The following ARIH1 variants were observed in gnomAD, a reference collection of about 807,000 sequenced individuals.
The protein encoded by ARIH1 is E3 ubiquitin-protein ligase ARIH1.
Under a neutral mutation model 85.0 loss-of-function variants are expected in ARIH1, and 8 were observed. The observed-to-expected ratio is 0.09, with a 90% CI of 0.06 to 0.17. The LOEUF is 0.17. Ranked by LOEUF, ARIH1 falls within the 10% of genes least tolerant of loss-of-function variation. The probability of loss-of-function intolerance (pLI) is 1.00; values close to 1 mark genes in which losing one functional copy is unlikely to be tolerated. For missense variants in ARIH1, 311 were observed against 718.1 expected (o/e 0.43, Z 6.48); for synonymous variants, 238 against 253.6 (o/e 0.94, Z 0.59).
intron 1 of ARIH1, among the ~76,000 whole-genome samples, chr15:72,505,799 G>A (rs866073562): frequency 1.3e-5 from 2 of 152,164 alleles, no homozygotes; most frequent in African/African-American, 2.4e-5. Context: ...GCAGTGGTGC[G>A]ATCTTGGTTC....
At chr15:72,533,837 G>T (rs1442367635) in intron 2 of ARIH1, among the ~76,000 whole-genome samples, 1 of 152,086 alleles carries the variant, frequency 6.6e-6, no homozygotes, top group African/African-American at 2.4e-5. Context: ...AGCCTAGGAG[G>T]TCAAGGCTGC....
rs750949944 is a variant in ARIH1, at chr15:72,474,613, G to C, written c.-27G>C. On this transcript the variant is annotated 5_prime_UTR_variant, in exon 1 of 14. Coordinates refer to ENST00000379887, the MANE Select transcript of ARIH1 (RefSeq NM_005744.5). ...CCGCCCTCTCCCCGCCTCGGCCAGC[G>C]TCCGCCGGGCCCCCGCGCGTCGCGC... 8 of 1,500,838 alleles carry C rather than the reference G, an allele frequency of 5.3e-6. No homozygotes were observed. Among genetic ancestry groups the C allele is most frequent in the Non-Finnish European group, 7.1e-6 (8 of 1,126,534 alleles). The allele number at this position is 1,500,838 out of a possible 1,614,324, so 93.0% of individuals were successfully genotyped here.
At chr15:72,569,655 A>G (rs2064235001) in intron 9 of ARIH1, among the ~76,000 whole-genome samples, 1 of 152,246 alleles carries the variant, frequency 6.6e-6, no homozygotes, top group Non-Finnish European at 1.5e-5. Flanking sequence ...TGAGAACGGT[A>G]CATGGGATAT....
chr15:72,547,743 A>G (rs1050302078), intron 3 of ARIH1, among the ~76,000 whole-genome samples: 1 of 152,196 alleles, frequency 6.6e-6, no homozygotes, highest in Non-Finnish European at 1.5e-5. Flanking sequence ...GCTTACAGTT[A>G]AATGTTTCTG....
intron 1 of ARIH1, among the ~76,000 whole-genome samples, chr15:72,503,679 T>C (rs961593270): frequency 2.6e-5 from 4 of 152,240 alleles, no homozygotes; most frequent in Admixed American, 1.3e-4. Context: ...AAAATGCTAC[T>C]CTTACATTTA....
intron 9 of ARIH1, 22 bp from the exon 10 acceptor site, chr15:72,570,155 A>G (rs762564184): frequency 6.2e-7 from 1 of 1,613,038 alleles, no homozygotes; most frequent in Non-Finnish European, 8.5e-7. Context: ...ATTGACACCA[A>G]CTTTATAGTT....
At chr15:72,480,293 A>G (rs2063810895) in intron 1 of ARIH1, among the ~76,000 whole-genome samples, 1 of 134,610 alleles carries the variant, frequency 7.4e-6, no homozygotes, top group Non-Finnish European at 1.6e-5. Flanking sequence ...TACATGTCTC[A>G]CTGTGTCACC....
intron 5 of ARIH1, among the ~76,000 whole-genome samples, chr15:72,560,235 G>A (rs1375333560): frequency 6.6e-6 from 1 of 152,118 alleles, no homozygotes; most frequent in Non-Finnish European, 1.5e-5. Flanking sequence ...ACAGATAACT[G>A]TCTAATTAAA....
At chr15:72,508,906 C>T (rs1038449883) in intron 1 of ARIH1, among the ~76,000 whole-genome samples, 2 of 151,806 alleles carry the variant, frequency 1.3e-5, no homozygotes, top group African/African-American at 4.8e-5. Context: ...ATTGGTCAGG[C>T]TGGTCTCAAA....
intron 1 of ARIH1, among the ~76,000 whole-genome samples, chr15:72,481,698 A>G (rs909035273): frequency 4.6e-5 from 7 of 152,166 alleles, no homozygotes; most frequent in Non-Finnish European, 7.3e-5. Context: ...AAAAAAGGTA[A>G]TAATGGGAAA....
intron 1 of ARIH1, chr15:72,475,220 G>A: frequency 8.5e-7 from 1 of 1,171,182 alleles, no homozygotes; most frequent in Non-Finnish European, 1.1e-6. Flanking sequence ...AGGTGCGCTG[G>A]GGGCGGTGCT....
In ARIH1 at chr15:72,475,180, C is replaced by T. The variant is rs1024054318; in HGVS notation, c.375+166C>T. ...TGCTGGGGATAGAGGGTGTCGAAAG[C>T]AGAGGTTCGCCGATTAGCCGGGTGT... On this transcript the variant is annotated intron_variant, in intron 1 of 13. Coordinates refer to ENST00000379887, the MANE Select transcript of ARIH1 (RefSeq NM_005744.5). The T allele has an allele frequency of 5.2e-5, 70 of 1,341,728 alleles. 1 individual carries two copies. The African/African-American group carries it at 1.1e-3, about 20-fold the overall frequency. The allele number at this position is 1,341,728 out of a possible 1,614,324, so 83.1% of individuals were successfully genotyped here.
intron 1 of ARIH1, among the ~76,000 whole-genome samples, chr15:72,506,351 CAAAAAAAAAAAA>C (rs71134002): frequency 1.4e-5 from 1 of 73,064 alleles, no homozygotes; most frequent in African/African-American, 5.2e-5. Flanking sequence ...CTCCGTCTCA[CAAAAAAAAAAAA>C]AAGAAAAAAA....
intron 1 of ARIH1, among the ~76,000 whole-genome samples, chr15:72,489,433 A>G (rs2063850199): frequency 6.6e-6 from 1 of 152,182 alleles, no homozygotes; most frequent in Non-Finnish European, 1.5e-5. Context: ...CTTAGTACAG[A>G]AGGTATCAGT....
At chr15:72,525,413 C>A (rs1222679286) in intron 2 of ARIH1, among the ~76,000 whole-genome samples, 2 of 152,138 alleles carry the variant, frequency 1.3e-5, no homozygotes, top group Non-Finnish European at 2.9e-5. Flanking sequence ...TTAAAGGTAT[C>A]AACTAAAATC....
chr15:72,543,285 C>T (rs1595865880), intron 2 of ARIH1, among the ~76,000 whole-genome samples: 2 of 151,474 alleles, frequency 1.3e-5, no homozygotes, highest in Admixed American at 6.6e-5. Flanking sequence ...TGAACCTGGG[C>T]GGCAAAGGTT....
At position 72,505,342 on chromosome 15, in the gene ARIH1, T is replaced by G. The variant is rs374570213; in HGVS notation, c.376-12725T>G. Among the ~76,000 whole-genome samples the G allele has an allele frequency of 2.4e-3, 362 of 152,344 alleles. 21 individuals carry two copies. The South Asian group carries it at 0.071, about 30-fold the overall frequency. ...TTGAATATTACCATATCATAGAAAT[T>G]TACTTTTTTAACACAAAAATGGAAT... On this transcript the variant is annotated intron_variant, in intron 1 of 13. Coordinates refer to ENST00000379887, the MANE Select transcript of ARIH1 (RefSeq NM_005744.5).
rs927816589 is a variant in ARIH1, at chr15:72,599,652, T to C, written c.*16360T>C. 3.3e-5 allele frequency: 5 copies of C among 152,222 alleles called. No homozygotes were observed. Among genetic ancestry groups the C allele is most frequent in the African/African-American group, 1.2e-4 (5 of 41,452 alleles). The allele number at this position is 152,222 out of a possible 1,614,324, so 9.4% of individuals were successfully genotyped here. A position where few individuals can be genotyped will look rare whatever the true frequency, so the allele number is the denominator to read the frequency against. On this transcript the variant is annotated 3_prime_UTR_variant, in exon 14 of 14. Transcript: ENST00000379887. ...CCTGGCCTCCCCCTTATTATTTTTT[T>C]AAACATGAATGGAAGCATACTATAT...
intron 3 of ARIH1, among the ~76,000 whole-genome samples, chr15:72,546,402 T>C (rs1168596282): frequency 6.6e-6 from 1 of 152,202 alleles, no homozygotes; most frequent in African/African-American, 2.4e-5. Flanking sequence ...GTGAACTGAA[T>C]TTTCAAATTC....
Sources: allele counts gnomAD v4.1 joint callset (sites outside exome capture counted in the v4.1 genomes callset), GRCh38; gene constraint gnomAD v4.1.1; transcripts MANE v1.5; gene names NCBI Gene and HGNC (gene_info 2026-07-23, HGNC 2026-07-21).